ADA: variants seen among roughly 807,000 people sequenced by gnomAD.
ADA encodes the protein adenosine aminohydrolase.
ADA carries 45 observed loss-of-function variants against 49.0 expected under a neutral mutation model. That is an observed-to-expected ratio of 0.92 (90% CI 0.72 to 1.18). The LOEUF (loss-of-function observed/expected upper bound fraction) is 1.18, where lower values mean the gene tolerates loss of function less well. ADA is among the 50% of genes most tolerant of loss of function. ADA has a pLI of 0.00. For synonymous variants in ADA, 173 were observed against 184.2 expected (o/e 0.94, Z 0.49); for missense variants, 445 against 472.5 (o/e 0.94, Z 0.54).
intron 1 of ADA, among the ~76,000 whole-genome samples, chr20:44,641,574 G>A (rs1004650829): frequency 1.3e-5 from 2 of 152,092 alleles, no homozygotes; most frequent in African/African-American, 4.8e-5. Flanking sequence ...GGAGTTGCAT[G>A]AGGTTACTGG....
intron 1 of ADA, among the ~76,000 whole-genome samples, chr20:44,644,670 G>C (rs558411714): frequency 1.2e-4 from 18 of 152,236 alleles, no homozygotes; most frequent in African/African-American, 4.3e-4. Flanking sequence ...TTTAGTGTGA[G>C]GCCAGGAGAC....
chr20:44,620,245 GC>G, intron 11 of ADA, 53 bp downstream of exon 11: 1 of 1,481,502 alleles, frequency 6.7e-7, no homozygotes, highest in Middle Eastern at 2.1e-4. Flanking sequence ...CCCACAGAAA[GC>G]CACACTGGGG....
intron 2 of ADA, among the ~76,000 whole-genome samples, chr20:44,630,541 C>G (rs917580634): frequency 6.6e-6 from 1 of 151,838 alleles, no homozygotes; most frequent in Non-Finnish European, 1.5e-5. Context: ...AACGAGCCCT[C>G]GGAAATTTAC....
At chr20:44,620,500 A>G in intron 10 of ADA, 99 bp from the exon 11 acceptor site, 1 of 983,528 alleles carries the variant, frequency 1.0e-6, no homozygotes, top group Non-Finnish European at 1.6e-6. Context: ...CAACATGGGC[A>G]GATACGCTTA....
chr20:44,635,917 G>A (rs1476481718), intron 2 of ADA, among the ~76,000 whole-genome samples: 1 of 151,584 alleles, frequency 6.6e-6, no homozygotes. Context: ...AAAAAAAGAC[G>A]GATTCAGCCC....
chr20:44,626,372 T>C, intron 4 of ADA, 84 bp downstream of exon 4: 2 of 1,594,074 alleles, frequency 1.3e-6, no homozygotes, highest in South Asian at 1.1e-5. Flanking sequence ...GGGTCAGGGA[T>C]TCCCAGCAGT....
Position 44,622,824 on chromosome 20 carries a change from C to T in ADA, c.780+5G>A, listed in dbSNP as rs1207403046. 7 of 1,614,122 alleles carry T rather than the reference C, an allele frequency of 4.3e-6. 1 individual carries two copies. In the East Asian group the frequency reaches 1.3e-4, roughly 31 times the overall value. ...TGGTTCCTCCCCACTCCCTGGCCCG[C>T]TTACCTCGAAGTGCATGTTTTCCTG... is the stretch of plus-strand genomic sequence containing the variant. On this transcript the variant is annotated splice_donor_5th_base_variant and intron_variant, in intron 8 of 11. Transcript: ENST00000372874.
intron 4 of ADA, 117 bp downstream of exon 4, chr20:44,626,339 G>T: frequency 7.0e-7 from 1 of 1,437,962 alleles, no homozygotes; most frequent in Non-Finnish European, 9.6e-7. Flanking sequence ...GACCAGACTG[G>T]GGGCAAGAAC....
At chr20:44,650,458 C>T (rs947895697) in intron 1 of ADA, among the ~76,000 whole-genome samples, 1 of 151,926 alleles carries the variant, frequency 6.6e-6, no homozygotes, top group Non-Finnish European at 1.5e-5. Flanking sequence ...GACAGGGTCT[C>T]GCTCTGTCTC....
rs1469964785 is a variant in ADA at position 44,623,073 on chromosome 20, A to T, written c.612T>A (p.Ala204=). ...LPGHVQAYQE[A]VKSGIHRTVH... ...CAGTACGGTGAATGCCGCTCTTCAC[A>T]GCCTCCTGGAAGGGGGAGAGCCAGG... The change falls in exon 7 of 12, where the codon GCT becomes GCA. Residue 204 remains alanine, a synonymous_variant. Transcript: ENST00000372874. 6.2e-7 allele frequency: 1 copy of T among 1,614,004 alleles called. No homozygotes were observed. The highest frequency in any genetic ancestry group is 1.1e-5 in the South Asian group (1 of 91,072).
intron 10 of ADA, 136 bp from the exon 11 acceptor site, chr20:44,620,537 C>A: frequency 5.2e-6 from 4 of 774,026 alleles, no homozygotes; most frequent in Non-Finnish European, 9.0e-6. Context: ...TCCACTGTCA[C>A]ACGGCAGCAA....
At chr20:44,630,484 A>G (rs1341432627) in intron 2 of ADA, among the ~76,000 whole-genome samples, 1 of 152,250 alleles carries the variant, frequency 6.6e-6, no homozygotes, top group Non-Finnish European at 1.5e-5. Context: ...GAATATCCTC[A>G]AAGAGATGAG....
chr20:44,631,890 G>A (rs954912948), intron 2 of ADA, among the ~76,000 whole-genome samples: 5 of 152,024 alleles, frequency 3.3e-5, no homozygotes, highest in East Asian at 3.9e-4. Flanking sequence ...GGCATCTCGC[G>A]CCACCTTTCC....
intron 1 of ADA, among the ~76,000 whole-genome samples, chr20:44,645,357 CAAA>C (rs11480982): frequency 3.4e-5 from 2 of 58,440 alleles, no homozygotes; most frequent in Non-Finnish European, 3.6e-5. Flanking sequence ...GACTCCAGCT[CAAA>C]AAAAAAAAAA....
chr20:44,636,275 A>T lies in ADA; in HGVS notation c.47T>A (p.Val16Asp), dbSNP rs1330122216. 1 of 1,608,730 alleles carries T rather than the reference A, an allele frequency of 6.2e-7. No homozygotes were observed. Among genetic ancestry groups the T allele is most frequent in the Admixed American group, 1.7e-5 (1 of 59,200 alleles). Residue 16 changes from valine (V) to aspartate (D), a missense_variant, in exon 2 of 12, where the codon GTC becomes GAC. Transcript: ENST00000372874. ...AGGCTTGATGGATCCGTCTAGGTGGACATGCAGTTCCACCTGCAAGGGGGC... is the reference window on the plus strand; with the variant it reads ...AGGCTTGATGGATCCGTCTAGGTGGTCATGCAGTTCCACCTGCAAGGGGGC... Reference protein sequence around the residue: ...AFDKPKVELHVHLDGSIKPET... With the variant: ...AFDKPKVELHDHLDGSIKPET...
At chr20:44,620,207 A>G in intron 11 of ADA, 92 bp downstream of exon 11, 1 of 1,152,218 alleles carries the variant, frequency 8.7e-7, no homozygotes, top group East Asian at 2.3e-5. Context: ...GGCGCTGCCC[A>G]AGAATGGAAG....
At chr20:44,635,872 T>G (rs1460646983) in intron 2 of ADA, among the ~76,000 whole-genome samples, 1 of 151,520 alleles carries the variant, frequency 6.6e-6, no homozygotes, top group Non-Finnish European at 1.5e-5. Context: ...CACTCCAGCC[T>G]GGGCGACAGA....
chr20:44,624,624 A>G (rs2065365012), intron 5 of ADA, among the ~76,000 whole-genome samples: 2 of 152,252 alleles, frequency 1.3e-5, no homozygotes, highest in African/African-American at 4.8e-5. Context: ...TGAGCTCAGT[A>G]AATGACACGG....
intron 2 of ADA, among the ~76,000 whole-genome samples, chr20:44,630,541 C>T (rs917580634): frequency 4.6e-5 from 7 of 151,838 alleles, no homozygotes; most frequent in Non-Finnish European, 7.4e-5. Context: ...AACGAGCCCT[C>T]GGAAATTTAC....
Sources: gnomAD v4.1 joint callset for allele counts (sites outside exome capture counted in the v4.1 genomes callset) on GRCh38, gnomAD v4.1.1 for gene constraint, MANE v1.5 for transcripts, NCBI Gene and HGNC (gene_info 2026-07-23, HGNC 2026-07-21) for gene names.